The following MVD variants were observed in gnomAD, a reference collection of about 807,000 sequenced individuals.
MVD encodes the protein mevalonate diphosphate decarboxylase.
A neutral mutation model predicts 42.4 loss-of-function variants in MVD; 52 were observed. That is an observed-to-expected ratio of 1.23 (90% CI 0.98 to 1.55). The LOEUF is 1.55. Among genes scored for constraint, MVD ranks in the 40% most tolerant of loss-of-function variants. MVD has a pLI of 0.00. For synonymous variants in MVD, 287 were observed against 243.2 expected (o/e 1.18, Z -1.68); for missense variants, 663 against 572.1 (o/e 1.16, Z -1.62).
intron 3 of MVD, 77 bp downstream of exon 3, chr16:88,657,838 A>G: frequency 6.8e-7 from 1 of 1,467,974 alleles, no homozygotes; most frequent in South Asian, 1.2e-5. Context: ...GGAGGGGCAC[A>G]GAGGCAGAAG....
intron 1 of MVD, chr16:88,658,939 C>G (rs558298104): frequency 1.5e-3 from 825 of 562,926 alleles, no homozygotes; most frequent in Non-Finnish European, 1.9e-3. Flanking sequence ...GGAGGCCAGC[C>G]AACCTCCGTC....
chr16:88,652,487 C>T lies in MVD; in HGVS notation c.*38G>A. ...CCGCTCCCTAGCTCCGGCGAGGCCA[C>T]CCCTTCTCCAAGCGGCATGCGGTCC... is the stretch of plus-strand genomic sequence containing the variant. On this transcript the variant is annotated 3_prime_UTR_variant, in exon 10 of 10. Coordinates refer to ENST00000301012, the MANE Select transcript of MVD (RefSeq NM_002461.3). 6.5e-7 allele frequency: 1 copy of T among 1,550,218 alleles called. No individual in the cohort carries two copies. The highest frequency in any genetic ancestry group is 2.0e-5 in the Admixed American group (1 of 51,210).
rs562445217 is a variant in MVD at position 88,663,073 on chromosome 16, G to C, written c.8C>G (p.Ser3Trp). Residue 3 changes from serine (S) to tryptophan (W), a missense_variant, in exon 1 of 10, where the codon TCG (serine) becomes TGG (tryptophan). Ser to Trp is a radical substitution (Grantham distance 177). Coordinates refer to ENST00000301012, the MANE Select transcript of MVD (RefSeq NM_002461.3). ...AGTGACTGCCGCCAGCGGCTTCTCC[G>C]AGGCCATGGTCCCACCGCGCAGTGA... is the stretch of plus-strand genomic sequence containing the variant. MASEKPLAAVTCT... is the reference protein window; with the variant it reads MAWEKPLAAVTCT... 6.5e-5 allele frequency: 104 copies of C among 1,609,440 alleles called. No individual in the cohort carries two copies. In the East Asian group the frequency reaches 2.3e-3, roughly 36 times the overall value.
chr16:88,662,714 T>G, intron 1 of MVD: 1 of 1,420,324 alleles, frequency 7.0e-7, no homozygotes, highest in Non-Finnish European at 9.2e-7. Context: ...ATTCTTACGA[T>G]TCATGGGAAT....
At chr16:88,660,961 G>T (rs899208471) in intron 1 of MVD, 4 of 128,020 alleles carry the variant, frequency 3.1e-5, no homozygotes, top group Non-Finnish European at 6.3e-5. Context: ...AGCCAAGATT[G>T]TGCCACTGCA....
In MVD at chr16:88,651,948, T is replaced by A. The variant is rs1300407223; in HGVS notation, c.*577A>T. On this transcript the variant is annotated 3_prime_UTR_variant, in exon 10 of 10. Coordinates refer to ENST00000301012, the MANE Select transcript of MVD (RefSeq NM_002461.3). ...AAACGGCGGAGGCCGGAGGCAGCAA[T>A]GCTGGTTTATTCCCCATGGCCACCG... 1 of 166,748 alleles carries A rather than the reference T, an allele frequency of 6.0e-6. No individual in the cohort carries two copies. Among genetic ancestry groups the A allele is most frequent in the Non-Finnish European group, 1.3e-5 (1 of 75,438 alleles). The allele number at this position is 166,748 out of a possible 1,614,324, so 10.3% of individuals were successfully genotyped here. A position where few individuals can be genotyped will look rare whatever the true frequency, so the allele number is the denominator to read the frequency against.
At chr16:88,657,269 A>G (rs1418773656) in intron 4 of MVD, 167 bp downstream of exon 4, 12 of 957,714 alleles carry the variant, frequency 1.3e-5, no homozygotes, top group Non-Finnish European at 1.9e-5. Flanking sequence ...AAATGTTCAG[A>G]TGTGCTCTGG....
chr16:88,652,364 G>T lies in MVD; in HGVS notation c.*161C>A. 2 of 755,168 alleles carry T rather than the reference G, an allele frequency of 2.6e-6. No homozygotes were observed. Among genetic ancestry groups the T allele is most frequent in the South Asian group, 1.6e-5 (1 of 63,960 alleles). The allele number at this position is 755,168 out of a possible 1,614,324, so 46.8% of individuals were successfully genotyped here. A position where few individuals can be genotyped will look rare whatever the true frequency, so the allele number is the denominator to read the frequency against. ...GGGGACCTCTCCTGACACCTGGGCG[G>T]CCGCAGGACTCCCTGCACTGCCCCA... is the stretch of plus-strand genomic sequence containing the variant. On this transcript the variant is annotated 3_prime_UTR_variant, in exon 10 of 10. Coordinates refer to ENST00000301012, the MANE Select transcript of MVD (RefSeq NM_002461.3).
chr16:88,652,368 C>A lies in MVD; in HGVS notation c.*157G>T. The A allele has an allele frequency of 1.3e-6, 1 of 789,158 alleles. No individual in the cohort carries two copies. Among genetic ancestry groups the A allele is most frequent in the Non-Finnish European group, 2.1e-6 (1 of 473,068 alleles). 48.9% of individuals were successfully genotyped at this position (789,158 alleles called of 1,614,324 possible). On this transcript the variant is annotated 3_prime_UTR_variant, in exon 10 of 10. Transcript: ENST00000301012. ...ACCTCTCCTGACACCTGGGCGGCCG[C>A]AGGACTCCCTGCACTGCCCCACAGC... is the stretch of plus-strand genomic sequence containing the variant.
intron 9 of MVD, 91 bp from the exon 10 acceptor site, chr16:88,652,696 G>C: frequency 8.0e-7 from 1 of 1,245,244 alleles, no homozygotes; most frequent in Non-Finnish European, 1.1e-6. Flanking sequence ...GAGGGTAGCG[G>C]TGTGCCCCCG....
At position 88,654,757 on chromosome 16, in the gene MVD, G is replaced by A. The variant is rs542308252; in HGVS notation, c.948C>T (p.Asp316=). The change falls in exon 8 of 10, where the codon GAC becomes GAT. Residue 316 remains aspartate (D), a synonymous_variant. Coordinates refer to ENST00000301012, the MANE Select transcript of MVD (RefSeq NM_002461.3). ...AGPNAVIFTL[D]DTVAEFVAAV... ...CAGCCACAAACTCAGCCACAGTGTC[G>A]TCCAGGGTGAAGATCACGGCATTGG... The A allele has an allele frequency of 7.5e-5, 120 of 1,600,638 alleles. No homozygotes were observed. In the South Asian group the frequency reaches 1.2e-3, roughly 15 times the overall value.
intron 1 of MVD, among the ~76,000 whole-genome samples, chr16:88,662,332 TA>T (rs1270356776): frequency 6.6e-6 from 1 of 152,252 alleles, no homozygotes; most frequent in African/African-American, 2.4e-5. Context: ...CTGAATGAAA[TA>T]AGCCAAACTC....
At chr16:88,657,723 C>A in intron 3 of MVD, 141 bp from the exon 4 acceptor site, 1 of 1,364,138 alleles carries the variant, frequency 7.3e-7, no homozygotes, top group South Asian at 1.4e-5. Context: ...CCCGGGAAAA[C>A]CCCAGACTGA....
At chr16:88,654,085 G>A (rs538475861) in intron 8 of MVD, among the ~76,000 whole-genome samples, 220 of 152,162 alleles carry the variant, frequency 1.4e-3, no homozygotes, top group African/African-American at 5.1e-3. Context: ...GGGCCAAGCT[G>A]TGCACCGAGG....
At chr16:88,658,855 C>A in intron 1 of MVD, 135 bp from the exon 2 acceptor site, 2 of 702,596 alleles carry the variant, frequency 2.8e-6, no homozygotes, top group South Asian at 1.7e-5. Context: ...AACCTGTGTG[C>A]CCCTCCTCCT....
intron 1 of MVD, chr16:88,662,280 GC>G (rs1908352910): frequency 6.5e-6 from 1 of 154,448 alleles, no homozygotes; most frequent in African/African-American, 2.4e-5. Context: ...CAACAGAGGG[GC>G]AAAGCACTGA....
intron 1 of MVD, 75 bp from the exon 2 acceptor site, chr16:88,658,795 C>A: frequency 1.9e-6 from 2 of 1,051,824 alleles, no homozygotes; most frequent in South Asian, 1.4e-5. Context: ...CAGGTGCCCC[C>A]ACCCCCCACC....
chr16:88,658,815 C>T, intron 1 of MVD, 95 bp from the exon 2 acceptor site: 4 of 895,094 alleles, frequency 4.5e-6, no homozygotes, highest in Non-Finnish European at 4.9e-6. Context: ...CCACGGCCCC[C>T]ATCCGCCTCA....
chr16:88,660,389 G>A (rs1197540284), intron 1 of MVD: 2 of 152,156 alleles, frequency 1.3e-5, no homozygotes, highest in Admixed American at 1.3e-4. Context: ...TCACACCTAC[G>A]ATCCCAGCAC....
Sources: gnomAD v4.1 joint callset for allele counts (sites outside exome capture counted in the v4.1 genomes callset) on GRCh38, gnomAD v4.1.1 for gene constraint, MANE v1.5 for transcripts, NCBI Gene and HGNC (gene_info 2026-07-23, HGNC 2026-07-21) for gene names.